The following ROS1 variants were observed in gnomAD, a reference collection of about 807,000 sequenced individuals.
ROS1 encodes ROS proto-oncogene 1, receptor tyrosine kinase.
Under a neutral mutation model 273.5 loss-of-function variants are expected in ROS1, and 263 were observed. That is an observed-to-expected ratio of 0.96 (90% confidence interval 0.87 to 1.06). ROS1 has a LOEUF of 1.06. Ranked by LOEUF, ROS1 falls within the 50% of genes least tolerant of loss-of-function variation. ROS1 has a pLI of 0.00. For missense variants in ROS1, 2,833 were observed against 2,751.1 expected (o/e 1.03, Z -0.67); for synonymous variants, 1,008 against 954.1 (o/e 1.06, Z -1.04).
intron 1 of ROS1, among the ~76,000 whole-genome samples, chr6:117,420,338 C>T (rs983188039): frequency 1.3e-4 from 19 of 149,998 alleles, no homozygotes; most frequent in Non-Finnish European, 1.3e-4. Flanking sequence ...ACTTTCTTAA[C>T]CTAATACCCA....
intron 17 of ROS1, among the ~76,000 whole-genome samples, chr6:117,382,021 A>G (rs749821961): frequency 3.9e-5 from 6 of 152,168 alleles, no homozygotes; most frequent in Non-Finnish European, 8.8e-5. Context: ...CCATATCAGA[A>G]CACTGGGAAG....
chr6:117,334,272 C>A (rs564240116), intron 32 of ROS1, among the ~76,000 whole-genome samples: 3 of 151,858 alleles, frequency 2.0e-5, no homozygotes, highest in African/African-American at 7.3e-5. Flanking sequence ...AAAATACCTA[C>A]GAATACAGCT....
At position 117,345,511 on chromosome 6, in the gene ROS1, A is replaced by T. The variant is rs1323302140; in HGVS notation, c.4304-1249T>A. 2.6e-5 allele frequency among the ~76,000 whole-genome samples: 4 copies of T among 152,100 alleles called. No homozygotes were observed. In the East Asian group the frequency reaches 7.7e-4, roughly 29 times the overall value. On this transcript the variant is annotated intron_variant, in intron 27 of 43. Coordinates refer to ENST00000368507, the MANE Select transcript of ROS1 (RefSeq NM_001378902.1). Reference sequence around the variant, plus strand: ...ACTGTGCTTGAATTATCTTTGTTCCACCAGAGCCCCAGGAGGGTGCCTGAC... The same window carrying T: ...ACTGTGCTTGAATTATCTTTGTTCCTCCAGAGCCCCAGGAGGGTGCCTGAC...
intron 4 of ROS1, among the ~76,000 whole-genome samples, chr6:117,412,012 C>A (rs564063912): frequency 6.6e-6 from 1 of 152,208 alleles, no homozygotes; most frequent in Non-Finnish European, 1.5e-5. Flanking sequence ...TTAGGAGGAG[C>A]TGGGCTTGCA....
intron 4 of ROS1, among the ~76,000 whole-genome samples, chr6:117,413,213 G>C (rs1443890881): frequency 1.3e-5 from 2 of 152,082 alleles, no homozygotes. Context: ...GCTTCCCCAG[G>C]CTTCTGGTTA....
intron 39 of ROS1, among the ~76,000 whole-genome samples, chr6:117,311,395 G>A (rs1037599478): frequency 6.6e-6 from 1 of 152,138 alleles, no homozygotes; most frequent in Non-Finnish European, 1.5e-5. Flanking sequence ...AGGTCAGACA[G>A]ATCGAGATGT....
intron 4 of ROS1, among the ~76,000 whole-genome samples, chr6:117,413,195 T>C (rs1244304323): frequency 6.6e-6 from 1 of 152,234 alleles, no homozygotes; most frequent in Non-Finnish European, 1.5e-5. Flanking sequence ...TGAAGGATAA[T>C]TTATACTGCT....
chr6:117,343,186 T>C (rs1778090143), intron 28 of ROS1, among the ~76,000 whole-genome samples: 1 of 152,112 alleles, frequency 6.6e-6, no homozygotes, highest in South Asian at 2.1e-4. Flanking sequence ...TTAAATTTAA[T>C]AACAGACATG....
At chr6:117,296,529 G>A (rs187281885) in intron 43 of ROS1, among the ~76,000 whole-genome samples, 1 of 152,278 alleles carries the variant, frequency 6.6e-6, no homozygotes, top group East Asian at 1.9e-4. Context: ...AGATCATTAT[G>A]TTAAGTGAAA....
chr6:117,326,329 T>C lies in ROS1; in HGVS notation c.5434A>G (p.Lys1812Glu). Residue 1812 changes from lysine to glutamate, a missense_variant, in exon 34 of 44, where the codon AAG becomes GAG. Lys to Glu is a moderately conservative substitution (Grantham distance 56). Coordinates refer to ENST00000368507, the MANE Select transcript of ROS1 (RefSeq NM_001378902.1). ...NGSCSSVCTW[K>E]SKNLKGIFQF... ...AATATTCCTTTCAGGTTTTTGGACTTCCATGTGCAAACACTACTGCAGGAT... is the reference window on the plus strand; with the variant it reads ...AATATTCCTTTCAGGTTTTTGGACTCCCATGTGCAAACACTACTGCAGGAT... 1 of 1,603,258 alleles carries C rather than the reference T, an allele frequency of 6.2e-7. No homozygotes were observed. Among genetic ancestry groups the C allele is most frequent in the Non-Finnish European group, 8.5e-7 (1 of 1,176,392 alleles).
chr6:117,400,877 G>C (rs901960829), intron 7 of ROS1, among the ~76,000 whole-genome samples: 2 of 152,082 alleles, frequency 1.3e-5, no homozygotes, highest in Admixed American at 6.6e-5. Context: ...GGATACCTTC[G>C]ACTTACCTCC....
intron 12 of ROS1, among the ~76,000 whole-genome samples, chr6:117,390,198 C>T (rs1772950569): frequency 6.6e-6 from 1 of 152,038 alleles, no homozygotes; most frequent in Non-Finnish European, 1.5e-5. Flanking sequence ...ACAATCACAG[C>T]TCACTGCAGC....
intron 28 of ROS1, among the ~76,000 whole-genome samples, chr6:117,343,600 C>A (rs930084749): frequency 3.3e-5 from 5 of 152,292 alleles, no homozygotes; most frequent in African/African-American, 9.6e-5. Flanking sequence ...CAGTATATTT[C>A]TCTGCACATA....
At chr6:117,392,336 A>G (rs2128709044) in intron 12 of ROS1, among the ~76,000 whole-genome samples, 1 of 152,300 alleles carries the variant, frequency 6.6e-6, no homozygotes, top group African/African-American at 2.4e-5. Context: ...TGTGAAAAAC[A>G]TGTTATGAGC....
chr6:117,366,217 A>G lies in ROS1; in HGVS notation c.2656T>C (p.Tyr886His), dbSNP rs557592852. 6.5e-5 allele frequency: 105 copies of G among 1,614,092 alleles called. 1 individual carries two copies. The South Asian group carries it at 1.0e-3, about 16-fold the overall frequency. Reference protein sequence around the residue: ...SEISQNALMYYSGRLFWINGF... With the variant: ...SEISQNALMYHSGRLFWINGF... ...TTGATCCAGAACAGCCGACCACTAT[A>G]GTACATCAGTGCATTCTGGGAAATT... Residue 886 changes from tyrosine (Y) to histidine (H), a missense_variant, in exon 19 of 44, where the codon TAT becomes CAT. Transcript: ENST00000368507.
rs1339445079 is a variant in ROS1 at position 117,362,807 on chromosome 6, G to C, written c.3162C>G (p.Asn1054Lys). Residue 1054 changes from asparagine to lysine, a missense_variant, in exon 22 of 44, where the codon AAC becomes AAG. Coordinates refer to ENST00000368507, the MANE Select transcript of ROS1 (RefSeq NM_001378902.1). Reference protein sequence around the residue: ...IFILPSGKCCNKNEVVVEFRW... With the variant: ...IFILPSGKCCKKNEVVVEFRW... The stretch of plus-strand genomic sequence containing the variant: ...TAAATTCCACCACAACTTCATTCTT[G>C]TTGCAGCATTTTCCACTTGGTAATA... 6.2e-7 allele frequency: 1 copy of C among 1,613,470 alleles called. No homozygotes were observed. Among genetic ancestry groups the C allele is most frequent in the Middle Eastern group, 1.7e-4 (1 of 6,046 alleles).
At chr6:117,300,853 A>C (rs1258275485) in intron 43 of ROS1, 121 bp downstream of exon 43, 1 of 616,386 alleles carries the variant, frequency 1.6e-6, no homozygotes, top group Non-Finnish European at 2.6e-6. Context: ...TTATGATGAC[A>C]AAGGTGCCAG....
chr6:117,392,958 C>T (rs1488388797), intron 12 of ROS1, among the ~76,000 whole-genome samples: 1 of 152,084 alleles, frequency 6.6e-6, no homozygotes, highest in Non-Finnish European at 1.5e-5. Flanking sequence ...CCCCTGACTC[C>T]CAGACAGGAG....
chr6:117,420,847 C>T (rs1353192574), intron 1 of ROS1, among the ~76,000 whole-genome samples: 1 of 151,820 alleles, frequency 6.6e-6, no homozygotes, highest in Non-Finnish European at 1.5e-5. Flanking sequence ...TCCCAACTTG[C>T]TGTTAACAGC....
Sources: gnomAD v4.1 joint callset for allele counts (sites outside exome capture counted in the v4.1 genomes callset) on GRCh38, gnomAD v4.1.1 for gene constraint, MANE v1.5 for transcripts, NCBI Gene and HGNC (gene_info 2026-07-23, HGNC 2026-07-21) for gene names.